Variants in SP100 observed in about 807,000 individuals in gnomAD.
SP100 encodes nuclear autoantigen Sp-100.
SP100 carries 84 observed loss-of-function variants against 130.0 expected under a neutral mutation model. The ratio of observed to expected loss-of-function variants is 0.65; its 90% CI spans 0.54 to 0.77. The LOEUF (loss-of-function observed/expected upper bound fraction) is 0.77. SP100 is among the 30% of genes least tolerant of loss of function. SP100 has a pLI of 0.00. For missense variants in SP100, 978 were observed against 1,052.2 expected (o/e 0.93, Z 0.97); for synonymous variants, 331 against 351.7 (o/e 0.94, Z 0.66).
At chr2:230,537,717 A>G (rs949875702) in intron 24 of SP100, 2 of 152,244 alleles carry the variant, frequency 1.3e-5, no homozygotes, top group African/African-American at 4.8e-5. Context: ...CCGCCTGACA[A>G]AGATTCTGAT....
chr2:230,506,524 A>C, intron 22 of SP100, 79 bp downstream of exon 22: 30 of 1,447,742 alleles, frequency 2.1e-5, no homozygotes, highest in Non-Finnish European at 2.4e-5. Flanking sequence ...AGAATTTCTC[A>C]GTGCCCAGAA....
At chr2:230,463,372 C>A (rs1484005494) in intron 10 of SP100, among the ~76,000 whole-genome samples, 1 of 152,078 alleles carries the variant, frequency 6.6e-6, no homozygotes, top group Non-Finnish European at 1.5e-5. Flanking sequence ...CATAAGTATG[C>A]AAATTGGTTG....
chr2:230,449,699 C>G lies in SP100; in HGVS notation c.725C>G (p.Ala242Gly). The G allele has an allele frequency of 6.2e-7, 1 of 1,614,082 alleles. No individual in the cohort carries two copies. The highest frequency in any genetic ancestry group is 8.5e-7 in the Non-Finnish European group (1 of 1,179,998). Reference sequence around the variant, plus strand: ...ACAAATGAACAATGTGCTCAAAAGGCTGAGCCAACAGGTAAGACTGACTGG... The same window carrying G: ...ACAAATGAACAATGTGCTCAAAAGGGTGAGCCAACAGGTAAGACTGACTGG... ...QQTNEQCAQK[A>G]EPTESCEQIA... Residue 242 changes from alanine to glycine, a missense_variant, in exon 7 of 29, where the codon GCT becomes GGT. Ala to Gly is a moderately conservative substitution (Grantham distance 60, BLOSUM62 0). Transcript: ENST00000340126.
At chr2:230,468,885 C>T in intron 13 of SP100, 158 bp from the exon 14 acceptor site, 1 of 420,268 alleles carries the variant, frequency 2.4e-6, no homozygotes, top group Non-Finnish European at 4.2e-6. Flanking sequence ...TGGGTCTGTG[C>T]TCCATTTGAT....
rs397821963 is a variant in SP100 at position 230,461,025 on chromosome 2, T to TA, written c.821-232dup. ...CTGCAATTATAATTTTTATTTTTTTTAAAAAGCAAAATATTAACCATCAAA... is the reference window on the plus strand; with the variant it reads ...CTGCAATTATAATTTTTATTTTTTTTAAAAAAGCAAAATATTAACCATCAAA... On this transcript the variant is annotated intron_variant, in intron 8 of 28. Transcript: ENST00000340126. 1.3e-3 allele frequency among the ~76,000 whole-genome samples: 199 copies of TA among 151,534 alleles called. 1 individual carries two copies. The highest frequency in any genetic ancestry group is 0.011 in the South Asian group (52 of 4,796).
intron 17 of SP100, among the ~76,000 whole-genome samples, chr2:230,479,934 A>G (rs994717377): frequency 2.0e-5 from 3 of 152,228 alleles, no homozygotes; most frequent in East Asian, 1.9e-4. Flanking sequence ...AATGAAGGAC[A>G]GGATTCATGG....
intron 17 of SP100, among the ~76,000 whole-genome samples, chr2:230,482,751 T>C (rs960429936): frequency 3.3e-5 from 5 of 152,096 alleles, no homozygotes; most frequent in African/African-American, 1.2e-4. Flanking sequence ...TCCATTGCCC[T>C]ATCTATTCTG....
intron 24 of SP100, among the ~76,000 whole-genome samples, chr2:230,534,851 T>G (rs1691857249): frequency 6.6e-6 from 1 of 152,194 alleles, no homozygotes; most frequent in South Asian, 2.1e-4. Flanking sequence ...ATGGCTTGCT[T>G]AAGAGTTTTG....
chr2:230,436,906 G>GCATATATGTGTATACACACA lies in SP100; in HGVS notation c.108-6030_108-6011dup, dbSNP rs1559486480. 9.4e-4 allele frequency among the ~76,000 whole-genome samples: 64 copies of GCATATATGTGTATACACACA among 67,792 alleles called. 1 individual carries two copies. Among genetic ancestry groups the GCATATATGTGTATACACACA allele is most frequent in the African/African-American group, 3.3e-3 (55 of 16,622 alleles). 44.5% of individuals were successfully genotyped at this position (67,792 alleles called of 152,430 possible). A position where few individuals can be genotyped will look rare whatever the true frequency, so the allele number is the denominator to read the frequency against. On this transcript the variant is annotated intron_variant, in intron 2 of 28. Transcript: ENST00000340126. The stretch of plus-strand genomic sequence containing the variant: ...CACACATATATGTGTATACACACAC[G>GCATATATGTGTATACACACA]CATATATGTGTATACACACAAGTGT...
intron 22 of SP100, 83 bp from the exon 23 acceptor site, chr2:230,507,910 A>G: frequency 8.2e-7 from 1 of 1,221,918 alleles, no homozygotes; most frequent in Non-Finnish European, 1.2e-6. Context: ...CCAGGTAGGA[A>G]TATTTGGAAG....
At chr2:230,441,385 C>T (rs1050941580) in intron 2 of SP100, among the ~76,000 whole-genome samples, 1 of 152,166 alleles carries the variant, frequency 6.6e-6, no homozygotes, top group African/African-American at 2.4e-5. Flanking sequence ...AGCAATTCCA[C>T]TGCTACATAT....
intron 24 of SP100, among the ~76,000 whole-genome samples, chr2:230,535,671 G>A (rs1305743148): frequency 6.6e-6 from 1 of 152,006 alleles, no homozygotes; most frequent in African/African-American, 2.4e-5. Context: ...ACTTTGGGAG[G>A]CCAAGGCAGG....
intron 8 of SP100, among the ~76,000 whole-genome samples, chr2:230,451,948 C>A (rs2064008242): frequency 6.6e-6 from 1 of 152,120 alleles, no homozygotes. Flanking sequence ...AATCAATTGA[C>A]CATAAATGCA....
chr2:230,513,940 C>T (rs1690759528), intron 24 of SP100, among the ~76,000 whole-genome samples: 1 of 152,350 alleles, frequency 6.6e-6, no homozygotes, highest in East Asian at 1.9e-4. Context: ...ATAATCATAA[C>T]AACTTGAAAA....
intron 8 of SP100, among the ~76,000 whole-genome samples, chr2:230,457,438 G>T (rs2064337723): frequency 6.6e-6 from 1 of 152,200 alleles, no homozygotes. Flanking sequence ...TGGGGCTGCA[G>T]GATTTAGGTT....
At chr2:230,477,941 AAACAAAC>A (rs2065647009) in intron 17 of SP100, among the ~76,000 whole-genome samples, 1 of 150,244 alleles carries the variant, frequency 6.7e-6, no homozygotes, top group Admixed American at 6.6e-5. Context: ...TCTCAAAACA[AAACAAAC>A]AAAAAAAAAA....
At chr2:230,441,169 C>A (rs1004007347) in intron 2 of SP100, among the ~76,000 whole-genome samples, 2 of 152,166 alleles carry the variant, frequency 1.3e-5, no homozygotes, top group Non-Finnish European at 2.9e-5. Context: ...CTTGAACAGA[C>A]ACTTTACAAA....
At chr2:230,542,086 G>C in intron 28 of SP100, 51 bp downstream of exon 28, 1 of 1,580,024 alleles carries the variant, frequency 6.3e-7, no homozygotes, top group Non-Finnish European at 8.7e-7. Context: ...TCACTTTAAA[G>C]TCACTTTCCC....
chr2:230,467,021 T>C, intron 12 of SP100, 99 bp from the exon 13 acceptor site: 1 of 797,310 alleles, frequency 1.3e-6, no homozygotes. Flanking sequence ...TTTCAGAGCA[T>C]CACAAATTTT....
Sources: allele counts gnomAD v4.1 joint callset (sites outside exome capture counted in the v4.1 genomes callset), GRCh38; gene constraint gnomAD v4.1.1; transcripts MANE v1.5; gene names NCBI Gene and HGNC (gene_info 2026-07-23, HGNC 2026-07-21).